The following BCLAF3 variants were observed in gnomAD, a reference collection of about 807,000 sequenced individuals.
BCLAF3 encodes BCLAF1 and THRAP3 family member 3.
A neutral mutation model predicts 51.2 loss-of-function variants in BCLAF3; 24 were observed. That is an observed-to-expected ratio of 0.47 (90% CI 0.34 to 0.66). The LOEUF (loss-of-function observed/expected upper bound fraction) is 0.66. Among genes scored for constraint, BCLAF3 ranks in the 30% least tolerant of loss-of-function variants. BCLAF3 has a pLI of 0.01. For synonymous variants in BCLAF3, 152 were observed against 176.6 expected, an observed-to-expected ratio of 0.86 and a Z score of 1.10; for missense variants, 465 against 525.1, an observed-to-expected ratio of 0.89 and a Z score of 1.12.
Position 19,937,356 on chromosome X carries a change from C to T in BCLAF3, c.1860+62G>A, listed in dbSNP as rs767061893. The T allele has an allele frequency of 2.1e-5, 12 of 573,813 alleles. No homozygotes were observed. The African/African-American group carries it at 2.7e-4, about 13-fold the overall frequency. 47.3% of individuals were successfully genotyped at this position (573,813 alleles called of 1,213,427 possible). A position where few individuals can be genotyped will look rare whatever the true frequency, so the allele number is the denominator to read the frequency against. On this transcript the variant is annotated intron_variant, in intron 9 of 11. Transcript: ENST00000379682. ...GTGAAAAATATTGGTGATCCCTGCA[C>T]ATTTTGATGTATTGGAGAAGAAGAA...
Position 19,966,407 on chromosome X carries a change from GGCT to G in BCLAF3, c.281_283del (p.Lys94_Pro95delinsThr). 8.3e-7 allele frequency: 1 copy of G among 1,211,456 alleles called. No individual in the cohort carries two copies. Among genetic ancestry groups the G allele is most frequent in the Non-Finnish European group, 1.1e-6 (1 of 895,383 alleles). ...TCTTCCAGGCGAATATCCTCTGTGA[GGCT>G]TATACATATAAACATTTTCTAAAGA... is the stretch of plus-strand genomic sequence containing the variant. On this transcript the variant is annotated inframe_deletion, in exon 3 of 12. Transcript: ENST00000379682.
chrX:19,933,602 A>C (rs754276761), intron 10 of BCLAF3, among the ~76,000 whole-genome samples: 1 of 112,228 alleles, frequency 8.9e-6, no homozygotes, highest in Non-Finnish European at 1.9e-5. Flanking sequence ...CAGGTAAAAC[A>C]GAATTATAAT....
chrX:19,954,164 T>A (rs1320850413), intron 5 of BCLAF3: 1 of 752,388 alleles, frequency 1.3e-6, no homozygotes, highest in East Asian at 1.5e-4. Flanking sequence ...AGACAATGGC[T>A]CTCTCAAAGC....
chrX:19,917,820 T>A (rs1187711356), intron 11 of BCLAF3, among the ~76,000 whole-genome samples: 1 of 111,923 alleles, frequency 8.9e-6, no homozygotes, highest in Non-Finnish European at 1.9e-5. Context: ...TTCTTACTTT[T>A]GGATGGTTGA....
chrX:19,948,175 A>C lies in BCLAF3; in HGVS notation c.1745+2578T>G, dbSNP rs1458592529. Among the ~76,000 whole-genome samples, 5 of 111,642 alleles carry C rather than the reference A, an allele frequency of 4.5e-5. No homozygotes were observed. In the Admixed American group the frequency reaches 4.8e-4, roughly 11 times the overall value. On this transcript the variant is annotated intron_variant, in intron 8 of 11. Transcript: ENST00000379682. The stretch of plus-strand genomic sequence containing the variant: ...AAAAGTTAATCATAGAGTAACCATC[A>C]AACTCATCAATTCCACTCCTAGCTA...
intron 8 of BCLAF3, among the ~76,000 whole-genome samples, chrX:19,946,337 G>A (rs184888130): frequency 8.9e-6 from 1 of 112,221 alleles, no homozygotes; most frequent in East Asian, 2.8e-4. Flanking sequence ...GGACATGATG[G>A]CTAGGGCACA....
At chrX:19,959,212 A>AGCCTAGCTCACATGTCAACTACATGAT (rs1331743743) in intron 4 of BCLAF3, among the ~76,000 whole-genome samples, 2 of 111,922 alleles carry the variant, frequency 1.8e-5, no homozygotes, top group Middle Eastern at 4.2e-3. Flanking sequence ...CAGCCTTTGA[A>AGCCTAGCTCACATGTCAACTACATGAT]GCCTAGCTCA....
chrX:19,949,929 CG>C (rs2071425867), intron 8 of BCLAF3, among the ~76,000 whole-genome samples: 1 of 111,269 alleles, frequency 9.0e-6, no homozygotes, highest in Non-Finnish European at 1.9e-5. Context: ...CCAGAGTTGC[CG>C]TGAGTTCCAT....
chrX:19,962,116 T>C (rs2071876996), intron 4 of BCLAF3, among the ~76,000 whole-genome samples: 1 of 112,637 alleles, frequency 8.9e-6, no homozygotes. Flanking sequence ...AGTGTTACAA[T>C]TTTTTAATTC....
chrX:19,937,268 T>G, intron 9 of BCLAF3, 150 bp downstream of exon 9: 1 of 461,514 alleles, frequency 2.2e-6, no homozygotes, highest in South Asian at 3.4e-5. Flanking sequence ...CCATTTCTTC[T>G]GTCATAATAA....
chrX:19,919,381 C>T (rs1273483719), intron 11 of BCLAF3, among the ~76,000 whole-genome samples: 1 of 102,069 alleles, frequency 9.8e-6, no homozygotes, highest in Non-Finnish European at 2.0e-5. Context: ...CCCGCCTCTA[C>T]TAAAAATACA....
intron 6 of BCLAF3, among the ~76,000 whole-genome samples, 160 bp downstream of exon 6, chrX:19,953,616 CAG>C (rs2071565542): frequency 8.9e-6 from 1 of 111,914 alleles, no homozygotes; most frequent in Non-Finnish European, 1.9e-5. Context: ...GTGCAGTGGC[CAG>C]ATAATGCTTG....
At chrX:19,951,469 G>A (rs1421602729) in intron 7 of BCLAF3, among the ~76,000 whole-genome samples, 1 of 106,396 alleles carries the variant, frequency 9.4e-6, no homozygotes, top group Non-Finnish European at 1.9e-5. Context: ...GGTGATGGGC[G>A]CCTGTAATCC....
At chrX:19,973,993 C>G (rs943205298) in intron 1 of BCLAF3, among the ~76,000 whole-genome samples, 1 of 112,005 alleles carries the variant, frequency 8.9e-6, no homozygotes, top group African/African-American at 3.2e-5. Context: ...CTCTCAGTTA[C>G]TGCTAGGTGA....
rs2072006246 is a variant in BCLAF3, at chrX:19,965,183, A to T, written c.1135T>A (p.Cys379Ser). 3 of 1,205,177 alleles carry T rather than the reference A, an allele frequency of 2.5e-6. No homozygotes were observed. The highest frequency in any genetic ancestry group is 3.4e-6 in the Non-Finnish European group (3 of 893,977). Residue 379 changes from cysteine (C) to serine (S), a missense_variant, in exon 4 of 12, where the codon TGT (cysteine) becomes AGT (serine). Physicochemically the swap from Cys to Ser is moderately radical, Grantham distance 112. Transcript: ENST00000379682. ...WKEKIKKEGD[C>S]RKESNSSSNQ... ...CTGGAAGAATTGCTCTCTTTTCTAC[A>T]ATCCCCTTCTTTCTTTATTTTTTCC...
chrX:19,981,340 C>T (rs892245773), intron 1 of BCLAF3, among the ~76,000 whole-genome samples: 12 of 111,624 alleles, frequency 1.1e-4, no homozygotes, highest in South Asian at 3.7e-4. Context: ...AACAAAGCAA[C>T]GTTATTTCCA....
chrX:19,950,316 A>G (rs1297934230), intron 8 of BCLAF3, among the ~76,000 whole-genome samples: 1 of 111,918 alleles, frequency 8.9e-6, no homozygotes, highest in East Asian at 2.8e-4. Flanking sequence ...GTGATCCACA[A>G]TTATCCAGTA....
chrX:19,957,398 GA>G (rs2071703090), intron 4 of BCLAF3, among the ~76,000 whole-genome samples: 1 of 111,602 alleles, frequency 9.0e-6, no homozygotes, highest in Non-Finnish European at 1.9e-5. Context: ...CATAGCAAAA[GA>G]AAAAATAGCC....
Position 19,965,212 on chromosome X carries a change from C to A in BCLAF3, c.1106G>T (p.Trp369Leu). The change falls in exon 4 of 12, where the codon TGG becomes TTG. Residue 369 changes from tryptophan (W) to leucine (L), a missense_variant. Transcript: ENST00000379682. ...CCCTTCTTTCTTTATTTTTTCCTTC[C>A]ATTTGTCATTACTAGATCGCAAATC... ...DVDLRSSNDK[W>L]KEKIKKEGDC... The A allele has an allele frequency of 8.3e-7, 1 of 1,204,542 alleles. No individual in the cohort carries two copies. The highest frequency in any genetic ancestry group is 1.8e-5 in the African/African-American group (1 of 56,924).
Sources: gnomAD v4.1 joint callset for allele counts (sites outside exome capture counted in the v4.1 genomes callset) on GRCh38, gnomAD v4.1.1 for gene constraint, MANE v1.5 for transcripts, NCBI Gene and HGNC (gene_info 2026-07-23, HGNC 2026-07-21) for gene names.